DPP10: variants seen among roughly 807,000 people sequenced by gnomAD.
DPP10 encodes the protein inactive dipeptidyl peptidase 10.
DPP10 carries 33 observed loss-of-function variants against 120.9 expected under a neutral mutation model. The observed-to-expected ratio is 0.27, with a 90% CI of 0.21 to 0.37. The LOEUF is 0.37. DPP10 is among the 10% of genes least tolerant of loss of function. The probability of loss-of-function intolerance (pLI) is 1.00; values close to 1 mark genes in which losing one functional copy is unlikely to be tolerated. For missense variants in DPP10, 816 were observed against 942.8 expected (o/e 0.87, Z 1.76); for synonymous variants, 337 against 326.1 (o/e 1.03, Z -0.36).
intron 1 of DPP10, among the ~76,000 whole-genome samples, chr2:114,964,416 G>A (rs937740247): frequency 2.6e-5 from 4 of 152,000 alleles, no homozygotes; most frequent in African/African-American, 9.7e-5. Flanking sequence ...GTGCTACAGA[G>A]GACAGTAAAT....
chr2:115,636,598 AAG>A (rs916517893), intron 5 of DPP10, among the ~76,000 whole-genome samples: 28 of 152,090 alleles, frequency 1.8e-4, no homozygotes, highest in African/African-American at 6.3e-4. Context: ...GAGACAGAAA[AAG>A]AGAGAGAGTG....
intron 5 of DPP10, among the ~76,000 whole-genome samples, chr2:115,633,155 A>G (rs1035440244): frequency 3.3e-5 from 5 of 152,184 alleles, no homozygotes; most frequent in Non-Finnish European, 4.4e-5. Context: ...GGCACTATTC[A>G]CAATAGCAAA....
chr2:115,049,645 C>T (rs566439684), intron 1 of DPP10, among the ~76,000 whole-genome samples: 26 of 152,220 alleles, frequency 1.7e-4, no homozygotes, highest in African/African-American at 5.3e-4. Flanking sequence ...AAAAGTACTC[C>T]GTATCTGAAT....
chr2:114,748,357 T>A (rs867123211), intron 1 of DPP10, among the ~76,000 whole-genome samples: 27 of 126,586 alleles, frequency 2.1e-4, no homozygotes, highest in African/African-American at 6.3e-4. Context: ...TTTTATTTTT[T>A]TTTATTTTAT....
At chr2:114,883,860 G>C (rs563738215) in intron 1 of DPP10, among the ~76,000 whole-genome samples, 3 of 152,272 alleles carry the variant, frequency 2.0e-5, no homozygotes, top group African/African-American at 4.8e-5. Context: ...TTAGTTTAGT[G>C]TTCCTCACAT....
intron 1 of DPP10, among the ~76,000 whole-genome samples, chr2:114,491,554 C>T (rs2104440267): frequency 6.6e-6 from 1 of 152,276 alleles, no homozygotes; most frequent in South Asian, 2.1e-4. Flanking sequence ...ATCTTTTCTG[C>T]AGGATAAGAA....
intron 3 of DPP10, among the ~76,000 whole-genome samples, chr2:115,350,187 T>C (rs2063936081): frequency 6.6e-6 from 1 of 152,042 alleles, no homozygotes; most frequent in African/African-American, 2.4e-5. Flanking sequence ...ATTTAAAATA[T>C]TAGTGACATT....
chr2:115,582,766 C>T (rs2082072012), intron 5 of DPP10, among the ~76,000 whole-genome samples: 1 of 152,006 alleles, frequency 6.6e-6, no homozygotes, highest in Non-Finnish European at 1.5e-5. Context: ...TAATAATCTC[C>T]TTAATTACCA....
intron 2 of DPP10, among the ~76,000 whole-genome samples, chr2:115,323,998 G>C (rs529218171): frequency 3.9e-5 from 6 of 152,274 alleles, no homozygotes; most frequent in Admixed American, 3.3e-4. Flanking sequence ...CCTAATAGGA[G>C]AGTCAGCCTC....
At chr2:114,443,446 G>A (rs987984137) in intron 1 of DPP10, among the ~76,000 whole-genome samples, 3 of 152,018 alleles carry the variant, frequency 2.0e-5, no homozygotes, top group African/African-American at 4.8e-5. Flanking sequence ...AAAATTTGAG[G>A]CTTTTCTGAC....
chr2:115,058,235 C>T (rs1405960675), intron 1 of DPP10, among the ~76,000 whole-genome samples: 1 of 132,152 alleles, frequency 7.6e-6, no homozygotes, highest in Non-Finnish European at 1.5e-5. Context: ...TCTTCTACTG[C>T]TTTATATTGA....
chr2:114,450,965 G>GA (rs1484324428), intron 1 of DPP10, among the ~76,000 whole-genome samples: 1 of 152,034 alleles, frequency 6.6e-6, no homozygotes, highest in African/African-American at 2.4e-5. Flanking sequence ...CTGACGGACT[G>GA]AAAAACACCA....
intron 1 of DPP10, among the ~76,000 whole-genome samples, chr2:115,295,339 GTTTA>G (rs1394450316): frequency 6.6e-6 from 1 of 152,070 alleles, no homozygotes; most frequent in Non-Finnish European, 1.5e-5. Context: ...CTTACCTTGA[GTTTA>G]TTTAATTATT....
chr2:115,434,007 T>C (rs1174234347), intron 3 of DPP10, among the ~76,000 whole-genome samples: 1 of 151,970 alleles, frequency 6.6e-6, no homozygotes, highest in Non-Finnish European at 1.5e-5. Flanking sequence ...GTGGATTGCT[T>C]TATTTATACT....
chr2:114,838,734 G>A (rs893179773), intron 1 of DPP10, among the ~76,000 whole-genome samples: 3 of 152,140 alleles, frequency 2.0e-5, no homozygotes, highest in Non-Finnish European at 4.4e-5. Flanking sequence ...TATTTGAGGG[G>A]TTACCATGGG....
intron 1 of DPP10, among the ~76,000 whole-genome samples, chr2:115,270,066 T>A (rs2059623208): frequency 1.5e-5 from 2 of 130,642 alleles, no homozygotes; most frequent in South Asian, 2.7e-4. Flanking sequence ...TAGGTATACT[T>A]CACACACACA....
At chr2:114,559,493 C>T (rs996329434) in intron 1 of DPP10, among the ~76,000 whole-genome samples, 16 of 152,186 alleles carry the variant, frequency 1.1e-4, no homozygotes, top group African/African-American at 3.6e-4. Context: ...ACCTTCAGAG[C>T]TGTAGATAAT....
Position 114,554,675 on chromosome 2 carries a change from T to C in DPP10, c.60+111837T>C, listed in dbSNP as rs544589024. ...TATAGAGAACACACTATCTAATAAGTGGAGACATGGCATGTCCTCAAAACA... is the reference window on the plus strand; with the variant it reads ...TATAGAGAACACACTATCTAATAAGCGGAGACATGGCATGTCCTCAAAACA... On this transcript the variant is annotated intron_variant, in intron 1 of 25. Transcript: ENST00000410059. 6.6e-5 allele frequency among the ~76,000 whole-genome samples: 10 copies of C among 152,272 alleles called. No individual in the cohort carries two copies. The South Asian group carries it at 1.7e-3, about 25-fold the overall frequency.
In DPP10 at chr2:115,844,399, C is replaced by G. The variant is rs957133234; in HGVS notation, c.*2054C>G. On this transcript the variant is annotated 3_prime_UTR_variant, in exon 26 of 26. Coordinates refer to ENST00000410059, the MANE Select transcript of DPP10 (RefSeq NM_020868.6). ...TTTTATTATTATTATCAATGTTTAT[C>G]TATTTTTCAATTAATTTAATACAGT... is the stretch of plus-strand genomic sequence containing the variant. 2.0e-5 allele frequency: 3 copies of G among 152,386 alleles called. No individual in the cohort carries two copies. The highest frequency in any genetic ancestry group is 7.3e-5 in the African/African-American group (3 of 41,372). The allele number at this position is 152,386 out of a possible 1,614,324, so 9.4% of individuals were successfully genotyped here. A position where few individuals can be genotyped will look rare whatever the true frequency, so the allele number is the denominator to read the frequency against.
Sources: gnomAD v4.1 joint callset for allele counts (sites outside exome capture counted in the v4.1 genomes callset) on GRCh38, gnomAD v4.1.1 for gene constraint, MANE v1.5 for transcripts, NCBI Gene and HGNC (gene_info 2026-07-23, HGNC 2026-07-21) for gene names.